RPH3A: variants seen among roughly 807,000 people sequenced by gnomAD.
The protein encoded by RPH3A is rabphilin-3A.
RPH3A carries 48 observed loss-of-function variants against 102.2 expected under a neutral mutation model. The observed-to-expected ratio is 0.47, with a 90% confidence interval of 0.37 to 0.60. The LOEUF (loss-of-function observed/expected upper bound fraction) is 0.60. Ranked by LOEUF, RPH3A falls within the 20% of genes least tolerant of loss-of-function variation. RPH3A has a pLI of 0.00. For missense variants in RPH3A, 781 were observed against 910.1 expected (o/e 0.86, Z 1.83); for synonymous variants, 310 against 324.3 (o/e 0.96, Z 0.47).
chr12:112,767,148 T>C (rs2040895590), intron 1 of RPH3A, among the ~76,000 whole-genome samples: 1 of 152,176 alleles, frequency 6.6e-6, no homozygotes, highest in Admixed American at 6.5e-5. Flanking sequence ...TTTGATATAA[T>C]ATCAAGATAG....
At chr12:112,681,158 C>T (rs1316921671) in intron 1 of RPH3A, among the ~76,000 whole-genome samples, 2 of 152,130 alleles carry the variant, frequency 1.3e-5, no homozygotes, top group Non-Finnish European at 2.9e-5. Context: ...ACAACACCTC[C>T]ACCTCCCCAA....
At chr12:112,851,052 A>T (rs1163503002) in intron 5 of RPH3A, 1 of 152,196 alleles carries the variant, frequency 6.6e-6, no homozygotes, top group African/African-American at 2.4e-5. Context: ...CTTTTCTGTT[A>T]TCTGAGTGAA....
At chr12:112,870,324 A>AAC (rs2042686912) in intron 10 of RPH3A, among the ~76,000 whole-genome samples, 2 of 151,744 alleles carry the variant, frequency 1.3e-5, no homozygotes, top group African/African-American at 4.8e-5. Context: ...AAAAAAAAAA[A>AAC]AAAAACCCTG....
intron 1 of RPH3A, among the ~76,000 whole-genome samples, chr12:112,786,592 C>T (rs1018357851): frequency 7.9e-5 from 12 of 152,176 alleles, no homozygotes; most frequent in African/African-American, 2.4e-4. Flanking sequence ...TGTCATCCAG[C>T]GACAAAGCCC....
At chr12:112,737,197 A>G (rs1296034611) in intron 1 of RPH3A, among the ~76,000 whole-genome samples, 1 of 151,464 alleles carries the variant, frequency 6.6e-6, no homozygotes, top group Non-Finnish European at 1.5e-5. Flanking sequence ...AACAAAAGCT[A>G]CTTCTTTATA....
chr12:112,587,290 T>C (rs1426001954), intron 1 of RPH3A, among the ~76,000 whole-genome samples: 4 of 152,210 alleles, frequency 2.6e-5, no homozygotes, highest in African/African-American at 9.7e-5. Context: ...TATCAGTTTC[T>C]TTAGGATATA....
chr12:112,851,274 C>A (rs371179197), intron 5 of RPH3A, among the ~76,000 whole-genome samples: 22 of 152,120 alleles, frequency 1.4e-4, no homozygotes, highest in Admixed American at 1.0e-3. Flanking sequence ...CGTATGCAGG[C>A]AAGGTACACA....
At chr12:112,581,388 A>G (rs1196805423) in intron 1 of RPH3A, among the ~76,000 whole-genome samples, 2 of 152,134 alleles carry the variant, frequency 1.3e-5, no homozygotes, top group East Asian at 1.9e-4. Flanking sequence ...CCATGATTCA[A>G]TTACCTCCCA....
intron 1 of RPH3A, among the ~76,000 whole-genome samples, chr12:112,603,923 GTTGGT>G (rs1415487918): frequency 6.6e-6 from 1 of 152,182 alleles, no homozygotes; most frequent in African/African-American, 2.4e-5. Context: ...GTGTGTGTTG[GTTGGT>G]TTGTTGGTTG....
At chr12:112,862,095 G>A (rs1365140730) in intron 5 of RPH3A, among the ~76,000 whole-genome samples, 1 of 151,876 alleles carries the variant, frequency 6.6e-6, no homozygotes, top group East Asian at 1.9e-4. Flanking sequence ...TAAGGCAAGA[G>A]GATCATTTGA....
At chr12:112,602,472 GTT>G (rs766356094) in intron 1 of RPH3A, among the ~76,000 whole-genome samples, 1 of 152,188 alleles carries the variant, frequency 6.6e-6, no homozygotes, top group Non-Finnish European at 1.5e-5. Context: ...CTTGATGACT[GTT>G]TTTGGGGGAG....
intron 1 of RPH3A, among the ~76,000 whole-genome samples, chr12:112,665,371 A>T (rs551452315): frequency 6.6e-6 from 1 of 152,272 alleles, no homozygotes; most frequent in South Asian, 2.1e-4. Context: ...TATTGAACTT[A>T]GTGTGTCAGA....
In RPH3A at chr12:112,828,409, T is replaced by G; in HGVS notation, c.71+20T>G. The G allele has an allele frequency of 1.3e-6, 2 of 1,581,130 alleles. No individual in the cohort carries two copies. The highest frequency in any genetic ancestry group is 1.7e-6 in the Non-Finnish European group (2 of 1,158,300). ...ATCAAAGTAAGTTGCTGCATCTTCC[T>G]GGGAGTGGCTTGTTTTGAGTCGATG... On this transcript the variant is annotated intron_variant, in intron 3 of 21. Coordinates refer to ENST00000389385, the MANE Select transcript of RPH3A (RefSeq NM_001143854.2).
chr12:112,855,749 G>A (rs1407258578), intron 5 of RPH3A, among the ~76,000 whole-genome samples: 1 of 152,168 alleles, frequency 6.6e-6, no homozygotes, highest in African/African-American at 2.4e-5. Flanking sequence ...CCCATTCCCA[G>A]CAGATGGCCC....
In RPH3A at chr12:112,881,741, G is replaced by A. The variant is rs376012722; in HGVS notation, c.1252-31G>A. 2.0e-4 allele frequency: 308 copies of A among 1,559,008 alleles called. 2 individuals are homozygous for A. The highest frequency in any genetic ancestry group is 1.5e-3 in the Middle Eastern group (9 of 5,902). ...CAGCTGAGCACTGGGCCCTCCTGAGGCCCTCACACCATTGCCTCCTTCTCT... is the reference window on the plus strand; with the variant it reads ...CAGCTGAGCACTGGGCCCTCCTGAGACCCTCACACCATTGCCTCCTTCTCT... On this transcript the variant is annotated intron_variant, in intron 14 of 21. Coordinates refer to ENST00000389385, the MANE Select transcript of RPH3A (RefSeq NM_001143854.2).
chr12:112,755,841 G>A (rs1412549814), intron 1 of RPH3A, among the ~76,000 whole-genome samples: 5 of 152,150 alleles, frequency 3.3e-5, no homozygotes, highest in Non-Finnish European at 7.4e-5. Context: ...AACTTTTGCA[G>A]TGATTTATTA....
chr12:112,684,270 T>G (rs1460286204), intron 1 of RPH3A, among the ~76,000 whole-genome samples: 1 of 152,154 alleles, frequency 6.6e-6, no homozygotes, highest in African/African-American at 2.4e-5. Flanking sequence ...TTGCTTTTGT[T>G]TTTTTTGAGA....
chr12:112,846,721 C>T (rs1037361378), intron 4 of RPH3A, among the ~76,000 whole-genome samples: 1 of 152,178 alleles, frequency 6.6e-6, no homozygotes, highest in East Asian at 1.9e-4. Flanking sequence ...CCCTGCCTTC[C>T]ACTCCAGTGA....
Position 112,827,630 on chromosome 12 carries a change from T to C in RPH3A, c.-18-671T>C, listed in dbSNP as rs569645556. On this transcript the variant is annotated intron_variant, in intron 2 of 21. Transcript: ENST00000389385. Reference sequence around the variant, plus strand: ...GAAAGGAGTAGGCAGATCCTAAATCTATTTTAAAGATCAAGACAATACCAT... The same window carrying C: ...GAAAGGAGTAGGCAGATCCTAAATCCATTTTAAAGATCAAGACAATACCAT... Among the ~76,000 whole-genome samples the C allele has an allele frequency of 6.8e-4, 104 of 152,276 alleles. 2 individuals are homozygous for C. The highest frequency in any genetic ancestry group is 2.2e-3 in the African/African-American group (92 of 41,534).
Sources: gnomAD v4.1 joint callset for allele counts (sites outside exome capture counted in the v4.1 genomes callset) on GRCh38, gnomAD v4.1.1 for gene constraint, MANE v1.5 for transcripts, NCBI Gene and HGNC (gene_info 2026-07-23, HGNC 2026-07-21) for gene names.